Variants in DIP2B observed in about 807,000 individuals in gnomAD.
DIP2B encodes the protein DIP2 acetate--CoA ligase B (putative), also known as disco-interacting protein 2 homolog B.
DIP2B carries 76 observed loss-of-function variants against 198.0 expected under a neutral mutation model. That is an observed-to-expected ratio of 0.38 (90% confidence interval 0.32 to 0.46). The LOEUF (loss-of-function observed/expected upper bound fraction) is 0.46, where lower values mean the gene tolerates loss of function less well. Ranked by LOEUF, DIP2B falls within the 20% of genes least tolerant of loss-of-function variation. The probability of loss-of-function intolerance (pLI) is 0.99; values close to 1 mark genes in which losing one functional copy is unlikely to be tolerated. For synonymous variants in DIP2B, 701 were observed against 739.1 expected (o/e 0.95, Z 0.84); for missense variants, 1,559 against 1,978.4 (o/e 0.79, Z 4.02).
intron 33 of DIP2B, 56 bp from the exon 34 acceptor site, chr12:50,735,017 C>T: frequency 6.2e-7 from 1 of 1,601,528 alleles, no homozygotes; most frequent in Non-Finnish European, 8.6e-7. Context: ...GCTGCAGGAA[C>T]ATGGCGACTT....
intron 23 of DIP2B, among the ~76,000 whole-genome samples, chr12:50,715,576 A>G (rs1243385804): frequency 2.6e-5 from 4 of 152,236 alleles, no homozygotes; most frequent in Non-Finnish European, 1.5e-5. Context: ...AACTAAGACA[A>G]GAAAGAAAGG....
chr12:50,708,271 ATAT>A (rs1243297512), intron 21 of DIP2B, among the ~76,000 whole-genome samples, 174 bp from the exon 22 acceptor site: 1 of 152,238 alleles, frequency 6.6e-6, no homozygotes, highest in African/African-American at 2.4e-5. Flanking sequence ...TGCTTAATAC[ATAT>A]TATTTAAATG....
At chr12:50,611,309 C>G (rs1959029831) in intron 1 of DIP2B, among the ~76,000 whole-genome samples, 1 of 152,170 alleles carries the variant, frequency 6.6e-6, no homozygotes, top group Non-Finnish European at 1.5e-5. Context: ...GATATCAGCT[C>G]TTGTACTACC....
chr12:50,608,553 G>T (rs980267017), intron 1 of DIP2B, among the ~76,000 whole-genome samples: 1 of 151,392 alleles, frequency 6.6e-6, no homozygotes, highest in Non-Finnish European at 1.5e-5. Context: ...TTGAACCTGG[G>T]AGGCAGAGGT....
At chr12:50,687,907 A>G (rs545503731) in intron 12 of DIP2B, among the ~76,000 whole-genome samples, 85 of 151,764 alleles carry the variant, frequency 5.6e-4, no homozygotes, top group African/African-American at 2.0e-3. Context: ...ATTAAAAAAA[A>G]AAAAAAATAG....
intron 19 of DIP2B, among the ~76,000 whole-genome samples, chr12:50,700,525 A>G (rs144882136): frequency 1.9e-4 from 29 of 152,344 alleles, no homozygotes; most frequent in African/African-American, 6.7e-4. Context: ...GCATGTGATT[A>G]CATACTAACA....
intron 1 of DIP2B, among the ~76,000 whole-genome samples, chr12:50,509,829 C>T (rs558266672): frequency 1.3e-5 from 2 of 152,274 alleles, no homozygotes; most frequent in Admixed American, 6.5e-5. Flanking sequence ...GTCATAGATT[C>T]GTAGGATACA....
intron 1 of DIP2B, among the ~76,000 whole-genome samples, chr12:50,611,098 G>A (rs534235675): frequency 1.3e-5 from 2 of 152,200 alleles, no homozygotes; most frequent in Admixed American, 1.3e-4. Context: ...GCGCTTGGCC[G>A]ATGTAAATAT....
intron 3 of DIP2B, chr12:50,654,915 C>T (rs1938528793): frequency 2.5e-6 from 1 of 396,114 alleles, no homozygotes; most frequent in Middle Eastern, 3.6e-4. Flanking sequence ...TATACCTGTA[C>T]ATTGCTAGTA....
At chr12:50,586,868 C>T (rs1004224873) in intron 1 of DIP2B, among the ~76,000 whole-genome samples, 10 of 152,132 alleles carry the variant, frequency 6.6e-5, no homozygotes, top group African/African-American at 1.2e-4. Context: ...CCACTGTGCC[C>T]GGCAAAAAAT....
At chr12:50,552,805 AT>A (rs1958438230) in intron 1 of DIP2B, among the ~76,000 whole-genome samples, 1 of 151,782 alleles carries the variant, frequency 6.6e-6, no homozygotes, top group African/African-American at 2.4e-5. Flanking sequence ...CGTTTTTTAA[AT>A]TTTTTAAAAT....
At chr12:50,627,055 T>C (rs753551893) in intron 2 of DIP2B, among the ~76,000 whole-genome samples, 1 of 152,134 alleles carries the variant, frequency 6.6e-6, no homozygotes, top group Non-Finnish European at 1.5e-5. Flanking sequence ...TAGAAATGAA[T>C]TGAGAGAAAA....
chr12:50,558,507 C>T (rs1177891245), intron 1 of DIP2B, among the ~76,000 whole-genome samples: 1 of 152,114 alleles, frequency 6.6e-6, no homozygotes, highest in Non-Finnish European at 1.5e-5. Flanking sequence ...TTTCTTGAGG[C>T]CACACTGTTT....
At chr12:50,660,070 C>A in intron 3 of DIP2B, 124 bp from the exon 4 acceptor site, 2 of 997,306 alleles carry the variant, frequency 2.0e-6, no homozygotes, top group Non-Finnish European at 2.7e-6. Flanking sequence ...AAATAAAAAT[C>A]ATCTGAACGT....
intron 3 of DIP2B, among the ~76,000 whole-genome samples, chr12:50,646,808 C>G (rs1005608591): frequency 6.6e-6 from 1 of 152,062 alleles, no homozygotes; most frequent in African/African-American, 2.4e-5. Flanking sequence ...ACTCGCTTTG[C>G]CACCCTAATT....
chr12:50,524,965 A>G (rs1447699102), intron 1 of DIP2B, among the ~76,000 whole-genome samples: 3 of 152,172 alleles, frequency 2.0e-5, no homozygotes, highest in African/African-American at 7.2e-5. Context: ...GGCTCGAGCA[A>G]TCCTCTTGCC....
intron 1 of DIP2B, among the ~76,000 whole-genome samples, chr12:50,583,049 A>G (rs928581577): frequency 3.3e-5 from 5 of 152,236 alleles, no homozygotes; most frequent in Non-Finnish European, 5.9e-5. Flanking sequence ...GGAAATGTTT[A>G]CCGTATACAC....
Position 50,734,166 on chromosome 12 carries a change from A to G in DIP2B, c.4013A>G (p.Tyr1338Cys). 6.2e-7 allele frequency: 1 copy of G among 1,614,190 alleles called. No individual in the cohort carries two copies. Among genetic ancestry groups the G allele is most frequent in the Non-Finnish European group, 8.5e-7 (1 of 1,180,034 alleles). The change falls in exon 33 of 38, where the codon TAT becomes TGT. Residue 1338 changes from tyrosine to cysteine, a missense_variant. Coordinates refer to ENST00000301180, the MANE Select transcript of DIP2B (RefSeq NM_173602.3). ...TCAGGGCCTGATCCGACTACTGTGT[A>G]TGTGGATCTGAAATCACTAAGACAT... The part of the protein sequence containing the change: ...GTSGPDPTTV[Y>C]VDLKSLRHDR...
At chr12:50,640,946 T>C (rs532781056) in intron 3 of DIP2B, 94 bp downstream of exon 3, 11 of 1,444,650 alleles carry the variant, frequency 7.6e-6, no homozygotes, top group South Asian at 1.4e-5. Flanking sequence ...GTCTTTTTTT[T>C]CCCTATGAGG....
Sources: gnomAD v4.1 joint callset for allele counts (sites outside exome capture counted in the v4.1 genomes callset) on GRCh38, gnomAD v4.1.1 for gene constraint, MANE v1.5 for transcripts, NCBI Gene and HGNC (gene_info 2026-07-23, HGNC 2026-07-21) for gene names.